Variants in TMEM135 observed in about 807,000 individuals in gnomAD.
The protein encoded by TMEM135 is transmembrane protein 135.
A neutral mutation model predicts 60.3 loss-of-function variants in TMEM135; 30 were observed. The ratio of observed to expected loss-of-function variants is 0.50; its 90% CI spans 0.37 to 0.68. The LOEUF (loss-of-function observed/expected upper bound fraction) is 0.68. TMEM135 is among the 30% of genes least tolerant of loss of function. The pLI is 0.00. For synonymous variants in TMEM135, 190 were observed against 186.7 expected (o/e 1.02, Z -0.14); for missense variants, 468 against 548.8 (o/e 0.85, Z 1.47).
intron 4 of TMEM135, among the ~76,000 whole-genome samples, chr11:87,146,699 G>A (rs1367529113): frequency 1.3e-5 from 2 of 152,088 alleles, no homozygotes; most frequent in African/African-American, 4.8e-5. Flanking sequence ...ACTAGACCTT[G>A]GATTCAATGT....
chr11:87,177,359 A>G (rs1397413991), intron 5 of TMEM135, among the ~76,000 whole-genome samples: 1 of 152,088 alleles, frequency 6.6e-6, no homozygotes, highest in Non-Finnish European at 1.5e-5. Flanking sequence ...TTTTTCACTG[A>G]CTGTTGCATT....
At chr11:87,138,077 C>T (rs943281841) in intron 4 of TMEM135, among the ~76,000 whole-genome samples, 9 of 145,836 alleles carry the variant, frequency 6.2e-5, no homozygotes, top group Admixed American at 1.5e-4. Context: ...TTAAAAAGAC[C>T]AAGTTGATTT....
chr11:87,289,544 T>C (rs11235081), intron 6 of TMEM135, among the ~76,000 whole-genome samples: 95,791 of 146,986 alleles, frequency 0.65, 30,823 homozygotes, highest in Non-Finnish European at 0.68. Context: ...GCAACCTCCA[T>C]CTCCCAGGTT....
chr11:87,274,238 T>G (rs1039819828), intron 6 of TMEM135, among the ~76,000 whole-genome samples: 4 of 151,940 alleles, frequency 2.6e-5, no homozygotes, highest in Non-Finnish European at 5.9e-5. Context: ...ACTCTAGCTA[T>G]TCTGCCATCT....
chr11:87,088,224 G>A (rs2135164470), intron 3 of TMEM135, among the ~76,000 whole-genome samples: 1 of 152,178 alleles, frequency 6.6e-6, no homozygotes, highest in Non-Finnish European at 1.5e-5. Context: ...CAGGGTATGA[G>A]GCCAGTTTCC....
At chr11:87,289,747 C>T (rs934323209) in intron 6 of TMEM135, among the ~76,000 whole-genome samples, 6 of 152,226 alleles carry the variant, frequency 3.9e-5, no homozygotes, top group Middle Eastern at 3.4e-3. Flanking sequence ...TGAGCCACCG[C>T]GTGCAGCCAT....
intron 4 of TMEM135, among the ~76,000 whole-genome samples, chr11:87,098,421 T>G (rs1354481906): frequency 2.0e-5 from 3 of 152,080 alleles, no homozygotes; most frequent in Non-Finnish European, 4.4e-5. Flanking sequence ...TATTTTAGAT[T>G]AAAAGATACA....
intron 5 of TMEM135, among the ~76,000 whole-genome samples, chr11:87,161,059 C>T (rs1366002845): frequency 1.3e-5 from 2 of 152,108 alleles, no homozygotes; most frequent in Non-Finnish European, 2.9e-5. Context: ...ACTACCACAC[C>T]TGACTAATTT....
intron 6 of TMEM135, among the ~76,000 whole-genome samples, chr11:87,245,271 G>A (rs573145150): frequency 2.7e-5 from 4 of 149,764 alleles, no homozygotes; most frequent in South Asian, 2.2e-4. Context: ...TTACTTCCAC[G>A]TATGTGGTCA....
chr11:87,167,906 C>T (rs1047206915), intron 5 of TMEM135, among the ~76,000 whole-genome samples: 1 of 152,126 alleles, frequency 6.6e-6, no homozygotes, highest in Non-Finnish European at 1.5e-5. Context: ...CTTTGTACCT[C>T]TGGTAGAATT....
chr11:87,282,211 G>A (rs1167194068), intron 6 of TMEM135, among the ~76,000 whole-genome samples: 3 of 152,050 alleles, frequency 2.0e-5, no homozygotes, highest in African/African-American at 4.8e-5. Flanking sequence ...GGCAAATCAT[G>A]TTTAGATAGG....
chr11:87,211,817 GCCTGT>G (rs1940376896), intron 5 of TMEM135, among the ~76,000 whole-genome samples: 6 of 151,926 alleles, frequency 3.9e-5, no homozygotes, highest in African/African-American at 1.2e-4. Context: ...GGTGGCAGGC[GCCTGT>G]AGTCCCAGCT....
At chr11:87,169,769 A>G (rs1045049769) in intron 5 of TMEM135, among the ~76,000 whole-genome samples, 1 of 152,024 alleles carries the variant, frequency 6.6e-6, no homozygotes, top group South Asian at 2.1e-4. Context: ...GAATCTGACA[A>G]TTATGTATCT....
chr11:87,253,811 A>G (rs1418819232), intron 6 of TMEM135, among the ~76,000 whole-genome samples: 3 of 151,776 alleles, frequency 2.0e-5, no homozygotes, highest in South Asian at 2.1e-4. Context: ...AGAATTTAAT[A>G]GTAACAATCG....
chr11:87,101,480 A>G (rs1222077715), intron 4 of TMEM135, among the ~76,000 whole-genome samples: 1 of 152,216 alleles, frequency 6.6e-6, no homozygotes, highest in Non-Finnish European at 1.5e-5. Flanking sequence ...ACATTTAAAA[A>G]TCCTTCTGTT....
intron 1 of TMEM135, among the ~76,000 whole-genome samples, chr11:87,045,058 C>T (rs1246447365): frequency 6.6e-6 from 1 of 151,982 alleles, no homozygotes; most frequent in African/African-American, 2.4e-5. Flanking sequence ...GAGACGGAGT[C>T]TGGCTTTGTT....
At chr11:87,076,429 G>A (rs1856874324) in intron 3 of TMEM135, among the ~76,000 whole-genome samples, 1 of 152,130 alleles carries the variant, frequency 6.6e-6, no homozygotes, top group Admixed American at 6.6e-5. Flanking sequence ...CACCCTTCAG[G>A]GCAGTAGGCC....
At chr11:87,189,105 CT>C (rs1939725485) in intron 5 of TMEM135, among the ~76,000 whole-genome samples, 10 of 144,838 alleles carry the variant, frequency 6.9e-5, no homozygotes, top group Admixed American at 6.9e-5. Context: ...TTCCGTTTCC[CT>C]TTTCCTTTTC....
intron 4 of TMEM135, among the ~76,000 whole-genome samples, chr11:87,112,413 C>T (rs1000200531): frequency 6.6e-6 from 1 of 152,060 alleles, no homozygotes; most frequent in African/African-American, 2.4e-5. Context: ...GGTCATCAAC[C>T]GTATTTCACA....
Sources: allele counts gnomAD v4.1 joint callset (sites outside exome capture counted in the v4.1 genomes callset), GRCh38; gene constraint gnomAD v4.1.1; transcripts MANE v1.5; gene names NCBI Gene and HGNC (gene_info 2026-07-23, HGNC 2026-07-21).